The following FGFRL1 variants were observed in gnomAD, a reference collection of about 807,000 sequenced individuals.
The protein encoded by FGFRL1 is fibroblast growth factor receptor-like 1.
FGFRL1 carries 24 observed loss-of-function variants against 36.8 expected under a neutral mutation model. The ratio of observed to expected loss-of-function variants is 0.65; its 90% CI spans 0.47 to 0.92. The LOEUF is 0.92. Among genes scored for constraint, FGFRL1 ranks in the 40% least tolerant of loss-of-function variants. The pLI is 0.00. For missense variants in FGFRL1, 785 were observed against 753.4 expected (o/e 1.04, Z -0.49); for synonymous variants, 422 against 344.1 (o/e 1.23, Z -2.50).
chr4:1,019,937 G>C (rs997782582), intron 2 of FGFRL1, among the ~76,000 whole-genome samples: 1 of 152,206 alleles, frequency 6.6e-6, no homozygotes. Context: ...GCAGGGAGGC[G>C]CCGTGTCTCC....
At chr4:1,012,751 C>G (rs1488459131) in intron 2 of FGFRL1, among the ~76,000 whole-genome samples, 187 bp downstream of exon 2, 1 of 152,252 alleles carries the variant, frequency 6.6e-6, no homozygotes, top group East Asian at 1.9e-4. Flanking sequence ...CCCACCGGGG[C>G]TCCCCTAGCT....
At chr4:1,022,677 A>G (rs1357151935) in intron 3 of FGFRL1, among the ~76,000 whole-genome samples, 2 of 152,102 alleles carry the variant, frequency 1.3e-5, no homozygotes, top group South Asian at 4.1e-4. Context: ...TGTCCCCGTC[A>G]GGCTCCAGCC....
intron 2 of FGFRL1, among the ~76,000 whole-genome samples, chr4:1,020,168 A>T (rs1029400743): frequency 7.9e-5 from 12 of 152,304 alleles, no homozygotes; most frequent in Admixed American, 5.2e-4. Flanking sequence ...TTAACTGTGT[A>T]TTGGAGGAAC....
intron 2 of FGFRL1, among the ~76,000 whole-genome samples, chr4:1,013,200 G>A (rs549116038): frequency 2.0e-5 from 3 of 152,338 alleles, no homozygotes; most frequent in Admixed American, 2.0e-4. Flanking sequence ...TCATGGCACC[G>A]ACATCTAAGT....
At chr4:1,018,681 C>G (rs745320990) in intron 2 of FGFRL1, among the ~76,000 whole-genome samples, 1 of 152,182 alleles carries the variant, frequency 6.6e-6, no homozygotes, top group Non-Finnish European at 1.5e-5. Context: ...GCGAGGCAGC[C>G]GGTCTTCCCA....
chr4:1,016,886 C>A (rs917634630), intron 2 of FGFRL1, among the ~76,000 whole-genome samples: 6 of 152,110 alleles, frequency 3.9e-5, no homozygotes, highest in African/African-American at 1.4e-4. Flanking sequence ...GGGGACTGGG[C>A]CCTGGCACTG....
chr4:1,020,131 C>A (rs1577563759), intron 2 of FGFRL1, among the ~76,000 whole-genome samples: 1 of 152,218 alleles, frequency 6.6e-6, no homozygotes, highest in African/African-American at 2.4e-5. Flanking sequence ...TCTGAAGACG[C>A]CAGTGGGAGA....
intron 5 of FGFRL1, 33 bp from the exon 6 acceptor site, chr4:1,024,278 C>T (rs753928771): frequency 6.4e-7 from 1 of 1,556,308 alleles, no homozygotes; most frequent in Non-Finnish European, 8.7e-7. Flanking sequence ...CGGCGCGGCC[C>T]AGGAGCCATG....
intron 2 of FGFRL1, among the ~76,000 whole-genome samples, chr4:1,017,930 G>A (rs759112793): frequency 2.4e-4 from 37 of 152,232 alleles, no homozygotes; most frequent in Non-Finnish European, 3.7e-4. Flanking sequence ...AGTATCTGCT[G>A]TATGCCAGGC....
rs371754554 is a variant in FGFRL1 at position 1,024,372 on chromosome 4, C to T, written c.780C>T (p.Phe260=). The T allele has an allele frequency of 1.3e-4, 205 of 1,612,356 alleles. No homozygotes were observed. In the East Asian group the frequency reaches 2.8e-3, roughly 22 times the overall value. ...ACCCCGTGAACACGACGGTGGACTTCGGGGGGACCACGTCCTTCCAGTGCA... is the reference window on the plus strand; with the variant it reads ...ACCCCGTGAACACGACGGTGGACTTTGGGGGGACCACGTCCTTCCAGTGCA... ...GTHPVNTTVD[F]GGTTSFQCKV... Residue 260 remains phenylalanine (F), a synonymous_variant, in exon 6 of 7, where the codon TTC becomes TTT. Coordinates refer to ENST00000510644, the MANE Select transcript of FGFRL1 (RefSeq NM_001004356.3).
chr4:1,022,730 G>A (rs1716266188), intron 3 of FGFRL1, among the ~76,000 whole-genome samples: 1 of 152,240 alleles, frequency 6.6e-6, no homozygotes. Context: ...TGGAGGGCGG[G>A]AGCCGAAGGC....
intron 2 of FGFRL1, among the ~76,000 whole-genome samples, chr4:1,017,907 C>T (rs190543887): frequency 6.6e-6 from 1 of 152,332 alleles, no homozygotes; most frequent in Admixed American, 6.5e-5. Flanking sequence ...GTTCTCCCTA[C>T]GAATGTCCAC....
chr4:1,022,175 G>A (rs758308383), intron 2 of FGFRL1, 28 bp from the exon 3 acceptor site: 29 of 1,484,096 alleles, frequency 2.0e-5, no homozygotes, highest in South Asian at 1.8e-4. Context: ...GCCCCTCCTC[G>A]CTGACTGTTC....
Position 1,022,285 on chromosome 4 carries a change from G to C in FGFRL1, c.162G>C (p.Glu54Asp), listed in dbSNP as rs751377059. 3 of 1,591,178 alleles carry C rather than the reference G, an allele frequency of 1.9e-6. No homozygotes were observed. The highest frequency in any genetic ancestry group is 2.7e-5 in the African/African-American group (2 of 74,378). ...GRTVRLQCPV[E>D]GDPPPLTMWT... is the part of the protein sequence containing the mutation. ...CTGTGCGGCTGCAGTGCCCAGTGGA[G>C]GGGGACCCGCCGCCGCTGACCATGT... Residue 54 changes from glutamate to aspartate, a missense_variant, in exon 3 of 7, where the codon GAG becomes GAC. By Grantham distance (45) the Glu-to-Asp change is conservative. Transcript: ENST00000510644.
intron 6 of FGFRL1, 38 bp from the exon 7 acceptor site, chr4:1,024,867 C>A: frequency 6.5e-7 from 1 of 1,542,538 alleles, no homozygotes; most frequent in Non-Finnish European, 8.7e-7. Flanking sequence ...TTTGTGTCGG[C>A]GTTCCCCTCC....
chr4:1,022,408 C>T lies in FGFRL1; in HGVS notation c.285C>T (p.Gly95=), dbSNP rs576840405. 131 of 1,611,738 alleles carry T rather than the reference C, an allele frequency of 8.1e-5. No individual in the cohort carries two copies. The highest frequency in any genetic ancestry group is 1.2e-4 in the Admixed American group (7 of 59,938). The change falls in exon 3 of 7, where the codon GGC becomes GGT. Residue 95 remains glycine (G), a synonymous_variant. Transcript: ENST00000510644. ...AGCAGGTGGAGCGGGAGGATGCCGG[C>T]GTGTACGTGTGCAAGGCCACCAACG... ...KVKQVEREDA[G]VYVCKATNGF...
In FGFRL1 at chr4:1,023,619, G is replaced by C; in HGVS notation, c.353-22G>C. The stretch of plus-strand genomic sequence containing the variant: ...AGGGCCCCCCTCACCTGCCCTCCCT[G>C]TGCACCTCCGTCTCTCTGCAGATGA... On this transcript the variant is annotated intron_variant, in intron 3 of 6. Transcript: ENST00000510644. This position sits in a 1 kb window ranked among gnomAD's most constrained non-coding sequence, Gnocchi z 6.0. 1 of 1,583,000 alleles carries C rather than the reference G, an allele frequency of 6.3e-7. No homozygotes were observed. Among genetic ancestry groups the C allele is most frequent in the Non-Finnish European group, 8.6e-7 (1 of 1,166,422 alleles).
Position 1,026,664 on chromosome 4 carries a change from ATAT to A in FGFRL1, c.*1320_*1322del, listed in dbSNP as rs1437703901. 1 of 308,946 alleles carries A rather than the reference ATAT, an allele frequency of 3.2e-6. No homozygotes were observed. The highest frequency in any genetic ancestry group is 2.2e-5 in the African/African-American group (1 of 45,126). The allele number at this position is 308,946 out of a possible 1,614,324, so 19.1% of individuals were successfully genotyped here. ...TATTTATATTTAAGAAATGAAGATA[ATAT>A]TAATAATGATGGAAGGAAGACTGGG... On this transcript the variant is annotated 3_prime_UTR_variant, in exon 7 of 7. Transcript: ENST00000510644.
At position 1,026,894 on chromosome 4, in the gene FGFRL1, C is replaced by T; in HGVS notation, c.*1547C>T. On this transcript the variant is annotated 3_prime_UTR_variant, in exon 7 of 7. Transcript: ENST00000510644. ...TTAAACATGAAAGTGCATCCTTTCC[C>T]TCCAGGCTGGTGTTTCTGCCCATGT... The T allele has an allele frequency of 6.7e-6, 3 of 447,908 alleles. No individual in the cohort carries two copies. The highest frequency in any genetic ancestry group is 4.8e-5 in the South Asian group (3 of 62,670). 27.7% of individuals were successfully genotyped at this position (447,908 alleles called of 1,614,324 possible). A position where few individuals can be genotyped will look rare whatever the true frequency, so the allele number is the denominator to read the frequency against.
Sources: gnomAD v4.1 joint callset for allele counts (sites outside exome capture counted in the v4.1 genomes callset) on GRCh38, gnomAD v4.1.1 for gene constraint, Gnocchi (gnomAD v3.1) non-coding constraint, MANE v1.5 for transcripts, NCBI Gene and HGNC (gene_info 2026-07-23, HGNC 2026-07-21) for gene names.